Variants in AFG1L observed in about 807,000 individuals in gnomAD.
The protein encoded by AFG1L is AFG1-like ATPase.
AFG1L carries 53 observed loss-of-function variants against 62.2 expected under a neutral mutation model. That is an observed-to-expected ratio of 0.85 (90% CI 0.68 to 1.07). The LOEUF is 1.07. Among genes scored for constraint, AFG1L ranks in the 50% least tolerant of loss-of-function variants. AFG1L has a pLI of 0.00. For synonymous variants in AFG1L, 228 were observed against 210.3 expected (o/e 1.08, Z -0.73); for missense variants, 555 against 590.5 (o/e 0.94, Z 0.62).
At chr6:108,333,379 A>C (rs769743312) in intron 2 of AFG1L, among the ~76,000 whole-genome samples, 22 of 151,998 alleles carry the variant, frequency 1.4e-4, no homozygotes, top group Non-Finnish European at 2.6e-4. Context: ...ACTGCACTCC[A>C]GCCTGGGTGA....
intron 7 of AFG1L, among the ~76,000 whole-genome samples, chr6:108,445,633 T>TGAGAGAGAGAGAGAGAGA (rs59323063): frequency 4.6e-4 from 60 of 130,136 alleles, no homozygotes; most frequent in African/African-American, 1.7e-3. Flanking sequence ...ACACCTAAGG[T>TGAGAGAGAGAGAGAGAGA]GAGAGAGAGA....
intron 8 of AFG1L, among the ~76,000 whole-genome samples, chr6:108,476,403 G>A (rs1385140119): frequency 6.6e-6 from 1 of 152,162 alleles, no homozygotes; most frequent in Non-Finnish European, 1.5e-5. Context: ...TTTAATTCTG[G>A]AGGTTTGATC....
At chr6:108,520,337 A>G (rs1477542460) in intron 12 of AFG1L, 2 of 152,882 alleles carry the variant, frequency 1.3e-5, no homozygotes, top group Non-Finnish European at 2.9e-5. Flanking sequence ...GCAAACATTT[A>G]TGGAGTACCT....
At chr6:108,511,060 C>G (rs368282865) in intron 11 of AFG1L, among the ~76,000 whole-genome samples, 5 of 149,288 alleles carry the variant, frequency 3.3e-5, no homozygotes, top group African/African-American at 1.2e-4. Context: ...AGCCTTCCAG[C>G]CTGGGTGACA....
intron 2 of AFG1L, among the ~76,000 whole-genome samples, chr6:108,346,391 G>A (rs1380162361): frequency 6.6e-6 from 1 of 151,474 alleles, no homozygotes; most frequent in Non-Finnish European, 1.5e-5. Context: ...ATTGAGATGG[G>A]GTCTTGCTCT....
intron 1 of AFG1L, among the ~76,000 whole-genome samples, chr6:108,322,683 G>A (rs934722486): frequency 6.6e-6 from 1 of 152,136 alleles, no homozygotes; most frequent in Non-Finnish European, 1.5e-5. Context: ...CATTGTGATT[G>A]TTAATTCTTT....
intron 1 of AFG1L, among the ~76,000 whole-genome samples, chr6:108,321,883 C>T (rs1777824093): frequency 6.6e-6 from 1 of 152,018 alleles, no homozygotes; most frequent in Non-Finnish European, 1.5e-5. Flanking sequence ...TTTATTACTC[C>T]CTTTTAATTT....
chr6:108,479,966 A>G (rs1473929659), intron 10 of AFG1L, among the ~76,000 whole-genome samples: 2 of 152,228 alleles, frequency 1.3e-5, no homozygotes, highest in African/African-American at 4.8e-5. Context: ...CAAGGAAAAA[A>G]TAATACAGAA....
intron 2 of AFG1L, among the ~76,000 whole-genome samples, chr6:108,330,696 C>A (rs1490830451): frequency 6.6e-6 from 1 of 152,208 alleles, no homozygotes; most frequent in Admixed American, 6.5e-5. Context: ...TGTTTATTAG[C>A]TACAGCATGT....
intron 2 of AFG1L, among the ~76,000 whole-genome samples, chr6:108,328,490 G>C (rs1778144495): frequency 6.6e-6 from 1 of 152,072 alleles, no homozygotes; most frequent in African/African-American, 2.4e-5. Context: ...GACCTCCCGG[G>C]CTCCAGCAAG....
intron 8 of AFG1L, among the ~76,000 whole-genome samples, chr6:108,460,872 G>T (rs545700119): frequency 2.6e-5 from 4 of 152,240 alleles, no homozygotes; most frequent in African/African-American, 4.8e-5. Context: ...CAGGAGAATT[G>T]CGTGAACCTG....
At chr6:108,363,881 G>T (rs1779641650) in intron 5 of AFG1L, among the ~76,000 whole-genome samples, 1 of 152,152 alleles carries the variant, frequency 6.6e-6, no homozygotes, top group Non-Finnish European at 1.5e-5. Context: ...TACTGATAAT[G>T]CATGCTTATG....
In AFG1L at chr6:108,410,477, T is replaced by C. The variant is rs144185311; in HGVS notation, c.807+8423T>C. Among the ~76,000 whole-genome samples the C allele has an allele frequency of 7.7e-4, 117 of 152,152 alleles. 1 individual carries two copies. The East Asian group carries it at 0.021, about 27-fold the overall frequency. On this transcript the variant is annotated intron_variant, in intron 7 of 12. Transcript: ENST00000368977. ...TAGAAGAGAAGAGAAGAGTTTTTAC[T>C]AAATTCAGTTTTTTAAAAATGTGAC... is the stretch of plus-strand genomic sequence containing the variant.
intron 1 of AFG1L, among the ~76,000 whole-genome samples, chr6:108,298,844 A>G (rs1776869973): frequency 6.6e-6 from 1 of 152,190 alleles, no homozygotes; most frequent in Non-Finnish European, 1.5e-5. Context: ...AAGCTGGGTG[A>G]TTATTTAGGA....
intron 7 of AFG1L, among the ~76,000 whole-genome samples, chr6:108,412,310 G>A (rs554946738): frequency 6.6e-6 from 1 of 152,298 alleles, no homozygotes; most frequent in African/African-American, 2.4e-5. Flanking sequence ...GAAAGTGACG[G>A]GGAGAATGGA....
chr6:108,447,416 T>C (rs1771860008), intron 8 of AFG1L, 120 bp downstream of exon 8: 2 of 582,548 alleles, frequency 3.4e-6, no homozygotes, highest in South Asian at 2.3e-5. Flanking sequence ...GATTTTTAAA[T>C]TGCAAATGTT....
At chr6:108,470,370 T>C (rs1320163953) in intron 8 of AFG1L, among the ~76,000 whole-genome samples, 1 of 152,134 alleles carries the variant, frequency 6.6e-6, no homozygotes, top group East Asian at 1.9e-4. Flanking sequence ...TTGTGGGGTA[T>C]AACAGGAGAT....
chr6:108,470,147 G>T (rs1772828475), intron 8 of AFG1L, among the ~76,000 whole-genome samples: 1 of 152,148 alleles, frequency 6.6e-6, no homozygotes, highest in Non-Finnish European at 1.5e-5. Context: ...TCCAAGTAAG[G>T]AGAGCAATGC....
In AFG1L at chr6:108,376,055, C is replaced by T. The variant is rs144827476; in HGVS notation, c.748+9723C>T. The stretch of plus-strand genomic sequence containing the variant: ...TCAATCTTGGGAGATTGTATGTTTC[C>T]AGGAATTAATCCATTTCCTCTAGAT... On this transcript the variant is annotated intron_variant, in intron 6 of 12. Transcript: ENST00000368977. Among the ~76,000 whole-genome samples the T allele has an allele frequency of 3.5e-3, 533 of 152,090 alleles. 4 individuals are homozygous for T. Among genetic ancestry groups the T allele is most frequent in the Middle Eastern group, 0.01 (3 of 294 alleles).
Sources: gnomAD v4.1 joint callset for allele counts (sites outside exome capture counted in the v4.1 genomes callset) on GRCh38, gnomAD v4.1.1 for gene constraint, MANE v1.5 for transcripts, NCBI Gene and HGNC (gene_info 2026-07-23, HGNC 2026-07-21) for gene names.